Variants in ART3 observed in about 807,000 individuals in gnomAD.
ART3 encodes the protein ecto-ADP-ribosyltransferase 3.
A neutral mutation model predicts 48.5 loss-of-function variants in ART3; 49 were observed. That is an observed-to-expected ratio of 1.01 (90% CI 0.80 to 1.28). The LOEUF (loss-of-function observed/expected upper bound fraction) is 1.28. ART3 is among the 50% of genes most tolerant of loss of function. The probability of loss-of-function intolerance (pLI) is 0.00; values close to 1 mark genes in which losing one functional copy is unlikely to be tolerated. For synonymous variants in ART3, 145 were observed against 157.2 expected (o/e 0.92, Z 0.58); for missense variants, 438 against 454.3 (o/e 0.96, Z 0.33).
intron 1 of ART3, among the ~76,000 whole-genome samples, chr4:76,065,231 G>A (rs1156902281): frequency 6.6e-6 from 1 of 152,132 alleles, no homozygotes; most frequent in Non-Finnish European, 1.5e-5. Context: ...TTACAAATAT[G>A]GCGAGCTCAC....
rs767097929 is a variant in ART3, at chr4:76,022,400, T to C, written c.-10+11080T>C. 42 of 1,613,620 alleles carry C rather than the reference T, an allele frequency of 2.6e-5. No individual in the cohort carries two copies. The African/African-American group carries it at 2.8e-4, about 11-fold the overall frequency. ...CTAACTGCTTTCAGTAAATTCTTGA[T>C]GGCCTTCGATTCTGGATTCAGACAT... On this transcript the variant is annotated intron_variant, in intron 1 of 9. Coordinates refer to the ART3 transcript ENST00000341029.
chr4:76,060,459 C>A (rs899762829), intron 1 of ART3, among the ~76,000 whole-genome samples: 9 of 152,156 alleles, frequency 5.9e-5, no homozygotes, highest in Admixed American at 2.0e-4. Context: ...CACCTAAATG[C>A]TAGTGTTCTC....
chr4:76,078,700 A>T (rs1721691327), intron 2 of ART3, among the ~76,000 whole-genome samples: 1 of 152,102 alleles, frequency 6.6e-6, no homozygotes, highest in Non-Finnish European at 1.5e-5. Flanking sequence ...ACAGAATTAC[A>T]CTCTTTTTCA....
chr4:76,111,123 A>G (rs57268096), intron 11 of ART3, among the ~76,000 whole-genome samples: 20,011 of 152,180 alleles, frequency 0.13, 1,539 homozygotes, highest in East Asian at 0.34. Flanking sequence ...GTGAGTTCAA[A>G]TGTTTCGAGT....
Position 76,100,786 on chromosome 4 carries a change from G to A in ART3, c.878-9G>A. 1 of 1,610,022 alleles carries A rather than the reference G, an allele frequency of 6.2e-7. No homozygotes were observed. Among genetic ancestry groups the A allele is most frequent in the Non-Finnish European group, 8.5e-7 (1 of 1,179,138 alleles). On this transcript the variant is annotated splice_polypyrimidine_tract_variant and intron_variant, in intron 6 of 11. Transcript: ENST00000355810. ...CGTTAAAACTGATGAGCTTCTTTTTGTGACTCAGGTGAGAAAAACTGGAAG... is the reference window on the plus strand; with the variant it reads ...CGTTAAAACTGATGAGCTTCTTTTTATGACTCAGGTGAGAAAAACTGGAAG...
chr4:76,102,819 G>A (rs1055554672), intron 8 of ART3, among the ~76,000 whole-genome samples: 6 of 151,734 alleles, frequency 4.0e-5, no homozygotes, highest in Admixed American at 1.3e-4. Flanking sequence ...TATCTATAAC[G>A]TATTATATAG....
intron 1 of ART3, among the ~76,000 whole-genome samples, chr4:76,025,932 CT>C (rs1733338748): frequency 6.6e-6 from 1 of 152,026 alleles, no homozygotes; most frequent in South Asian, 2.1e-4. Flanking sequence ...TGATCACTTA[CT>C]TTTTTTATTT....
chr4:76,067,323 T>A (rs1404864703), intron 1 of ART3, among the ~76,000 whole-genome samples: 1 of 152,206 alleles, frequency 6.6e-6, no homozygotes, highest in Admixed American at 6.5e-5. Context: ...TTTAAGAAGA[T>A]GCCCGCCAAG....
chr4:76,074,101 TA>T (rs1720612133), upstream of ART3, among the ~76,000 whole-genome samples: 3 of 152,236 alleles, frequency 2.0e-5, no homozygotes, highest in South Asian at 6.2e-4. Context: ...GCAGTCAGTA[TA>T]TTTACCATGT....
chr4:76,065,884 T>C lies in ART3; in HGVS notation c.-9-9997T>C, dbSNP rs140563670. On this transcript the variant is annotated intron_variant, in intron 1 of 9. Transcript: ENST00000341029. The stretch of plus-strand genomic sequence containing the variant: ...TGTTTCATTCCCTTTATAAAGTCTG[T>C]CTGTACTCTGTAACCTTTAAGATTA... 7.8e-3 allele frequency among the ~76,000 whole-genome samples: 1,183 copies of C among 152,288 alleles called. 4 individuals carry two copies. The highest frequency in any genetic ancestry group is 0.011 in the Non-Finnish European group (756 of 68,010).
chr4:76,015,935 C>G (rs1376057388), intron 1 of ART3, among the ~76,000 whole-genome samples: 1 of 152,186 alleles, frequency 6.6e-6, no homozygotes, highest in Non-Finnish European at 1.5e-5. Flanking sequence ...ATTATAGGCA[C>G]AATGCCTGGC....
At chr4:76,033,693 A>C (rs1734081170) in intron 1 of ART3, 1 of 152,204 alleles carries the variant, frequency 6.6e-6, no homozygotes, top group South Asian at 2.1e-4. Flanking sequence ...TTTTTTAAAA[A>C]AGAAAGGTTG....
chr4:76,079,931 C>CAGAG (rs546610994), intron 2 of ART3, among the ~76,000 whole-genome samples: 62 of 150,030 alleles, frequency 4.1e-4, no homozygotes, highest in African/African-American at 1.2e-3. Flanking sequence ...CACACACACA[C>CAGAG]AGAGAGAGAG....
At chr4:76,035,322 C>G (rs1560586302) in intron 1 of ART3, 1 of 1,613,970 alleles carries the variant, frequency 6.2e-7, no homozygotes. Flanking sequence ...AGACAGCGTC[C>G]TCTTTTGAAC....
intron 1 of ART3, among the ~76,000 whole-genome samples, chr4:76,024,511 A>G (rs958567108): frequency 2.0e-5 from 3 of 152,226 alleles, no homozygotes; most frequent in Non-Finnish European, 4.4e-5. Flanking sequence ...ACAGCATTCA[A>G]TAGTACTTGA....
intron 11 of ART3, among the ~76,000 whole-genome samples, chr4:76,108,133 T>G (rs1162251865): frequency 1.3e-5 from 2 of 151,870 alleles, no homozygotes; most frequent in Non-Finnish European, 2.9e-5. Context: ...AATTCTCCCT[T>G]TATAACAAGT....
intron 5 of ART3, 126 bp downstream of exon 5, chr4:76,099,113 G>C (rs1726693302): frequency 7.3e-6 from 6 of 817,564 alleles, no homozygotes; most frequent in Non-Finnish European, 1.0e-5. Flanking sequence ...ACCAGCCTGG[G>C]CAACATGGCG....
At position 76,063,526 on chromosome 4, in the gene ART3, A is replaced by T. The variant is rs372218963; in HGVS notation, c.-9-12355A>T. ...CTGTAGTTAGGAAGACAAGATTCAC[A>T]AAAAGAAACTAGGAAAAAATCCTGA... On this transcript the variant is annotated intron_variant, in intron 1 of 9. Coordinates refer to the ART3 transcript ENST00000341029. Among the ~76,000 whole-genome samples the T allele has an allele frequency of 2.8e-4, 43 of 152,326 alleles. No individual in the cohort carries two copies. In the East Asian group the frequency reaches 7.1e-3, roughly 25 times the overall value.
intron 1 of ART3, among the ~76,000 whole-genome samples, chr4:76,059,603 C>T (rs1005703381): frequency 2.6e-5 from 4 of 152,092 alleles, no homozygotes; most frequent in African/African-American, 9.7e-5. Flanking sequence ...TAATTTTCCT[C>T]CTTGTAGGTA....
Sources: allele counts gnomAD v4.1 joint callset (sites outside exome capture counted in the v4.1 genomes callset), GRCh38; gene constraint gnomAD v4.1.1; transcripts MANE v1.5; gene names NCBI Gene and HGNC (gene_info 2026-07-23, HGNC 2026-07-21).